Variants in ARSB observed in about 807,000 individuals in gnomAD.
ARSB encodes arylsulfatase B.
Under a neutral mutation model 50.9 loss-of-function variants are expected in ARSB, and 41 were observed. That is an observed-to-expected ratio of 0.81 (90% CI 0.63 to 1.04). ARSB has a LOEUF of 1.04. Ranked by LOEUF, ARSB falls within the 50% of genes least tolerant of loss-of-function variation. The pLI is 0.00. For missense variants in ARSB, 672 were observed against 693.3 expected (o/e 0.97, Z 0.35); for synonymous variants, 269 against 284.8 (o/e 0.94, Z 0.56).
chr5:78,947,711 G>A (rs972221838), intron 4 of ARSB, among the ~76,000 whole-genome samples: 1 of 152,152 alleles, frequency 6.6e-6, no homozygotes, highest in Non-Finnish European at 1.5e-5. Flanking sequence ...AGCCACTATG[G>A]AGAACAGTTT....
At chr5:78,945,276 C>T (rs1307040897) in intron 4 of ARSB, among the ~76,000 whole-genome samples, 1 of 152,190 alleles carries the variant, frequency 6.6e-6, no homozygotes, top group Non-Finnish European at 1.5e-5. Flanking sequence ...GTGCACCACA[C>T]CCATTGTCCT....
intron 5 of ARSB, among the ~76,000 whole-genome samples, chr5:78,869,922 C>T (rs1747036226): frequency 6.6e-6 from 1 of 151,400 alleles, no homozygotes; most frequent in African/African-American, 2.4e-5. Context: ...GCTAGCAAGA[C>T]TAACAAAGAA....
intron 6 of ARSB, among the ~76,000 whole-genome samples, chr5:78,795,236 G>T (rs183125001): frequency 3.1e-4 from 47 of 152,354 alleles, no homozygotes; most frequent in African/African-American, 1.1e-3. Context: ...CTGCCCAGCA[G>T]AGGTGGCCAA....
intron 5 of ARSB, among the ~76,000 whole-genome samples, chr5:78,846,098 G>T (rs1004121550): frequency 2.6e-5 from 4 of 152,050 alleles, no homozygotes; most frequent in African/African-American, 7.2e-5. Flanking sequence ...TTTTATGCAT[G>T]TGGATATCCA....
intron 4 of ARSB, among the ~76,000 whole-genome samples, chr5:78,892,248 CTTT>C (rs34960858): frequency 2.1e-4 from 18 of 87,234 alleles, no homozygotes; most frequent in African/African-American, 7.9e-4. Flanking sequence ...ATTCTCTATT[CTTT>C]TTTTTTTTTT....
intron 6 of ARSB, among the ~76,000 whole-genome samples, chr5:78,828,123 T>G (rs1319085159): frequency 1.3e-5 from 2 of 152,094 alleles, no homozygotes; most frequent in Non-Finnish European, 2.9e-5. Flanking sequence ...AACGGTGAAA[T>G]GTTGAAAGCT....
intron 3 of ARSB, among the ~76,000 whole-genome samples, chr5:78,959,522 C>A (rs565871227): frequency 1.3e-5 from 2 of 152,136 alleles, no homozygotes; most frequent in Admixed American, 6.5e-5. Flanking sequence ...AAACTCTGTA[C>A]TTGAATAAAC....
chr5:78,843,064 C>T (rs897661340), intron 5 of ARSB, among the ~76,000 whole-genome samples: 1 of 152,176 alleles, frequency 6.6e-6, no homozygotes, highest in African/African-American at 2.4e-5. Context: ...AGATCACTGG[C>T]GGTGGAACCC....
chr5:78,912,849 A>C (rs548548008), intron 4 of ARSB, among the ~76,000 whole-genome samples: 1 of 152,348 alleles, frequency 6.6e-6, no homozygotes, highest in South Asian at 2.1e-4. Flanking sequence ...AAAACCAAAT[A>C]GAAAATCAGA....
In ARSB at chr5:78,877,325, G is replaced by A. The variant is rs192973794; in HGVS notation, c.1142+8259C>T. Among the ~76,000 whole-genome samples the A allele has an allele frequency of 1.3e-4, 20 of 152,234 alleles. No homozygotes were observed. The East Asian group carries it at 1.5e-3, about 12-fold the overall frequency. ...AAATCCTAAAAGCAATGCTCAAAACGATCAAACTGTTTCCAAATAACTTAA... is the reference window on the plus strand; with the variant it reads ...AAATCCTAAAAGCAATGCTCAAAACAATCAAACTGTTTCCAAATAACTTAA... On this transcript the variant is annotated intron_variant, in intron 5 of 7. Coordinates refer to ENST00000264914, the MANE Select transcript of ARSB (RefSeq NM_000046.5).
chr5:78,974,026 A>ATCCT (rs1260279195), intron 1 of ARSB, among the ~76,000 whole-genome samples: 1 of 152,204 alleles, frequency 6.6e-6, no homozygotes, highest in Non-Finnish European at 1.5e-5. Context: ...GCAAAGCAGG[A>ATCCT]GTTCAGAATT....
At chr5:78,821,545 C>T (rs1028704256) in intron 6 of ARSB, among the ~76,000 whole-genome samples, 6 of 152,196 alleles carry the variant, frequency 3.9e-5, no homozygotes, top group Non-Finnish European at 7.3e-5. Context: ...GGAGAAAGCA[C>T]ATGCAAACTA....
intron 7 of ARSB, among the ~76,000 whole-genome samples, 185 bp downstream of exon 7, chr5:78,781,667 A>G (rs1044381118): frequency 1.3e-5 from 2 of 152,312 alleles, no homozygotes; most frequent in Non-Finnish European, 1.5e-5. Context: ...AGGGGCCTTG[A>G]GGAGGAGCCA....
At chr5:78,923,284 A>G (rs1380856931) in intron 4 of ARSB, among the ~76,000 whole-genome samples, 1 of 152,340 alleles carries the variant, frequency 6.6e-6, no homozygotes, top group Non-Finnish European at 1.5e-5. Flanking sequence ...CTGGTTCCCA[A>G]TGAGTAAGTG....
At chr5:78,849,751 T>C (rs1745658122) in intron 5 of ARSB, among the ~76,000 whole-genome samples, 1 of 145,900 alleles carries the variant, frequency 6.9e-6, no homozygotes, top group South Asian at 2.3e-4. Context: ...CAGTGGTTTG[T>C]AGTTCTCCTT....
In ARSB at chr5:78,885,802, C is replaced by G; in HGVS notation, c.924G>C (p.Gly308=). The change falls in exon 5 of 8, where the codon GGG becomes GGC. Residue 308 remains glycine, a synonymous_variant. Coordinates refer to ENST00000264914, the MANE Select transcript of ARSB (RefSeq NM_000046.5). The part of the protein sequence containing the change: ...STDNGGQTLA[G]GNNWPLRGRK... ...TTCCTCGAAGGGGCCAGTTATTACC[C>G]CCTGCCAAAGTCTGCCCTCCGTTAT... The G allele has an allele frequency of 6.2e-7, 1 of 1,614,182 alleles. No homozygotes were observed. Among genetic ancestry groups the G allele is most frequent in the Non-Finnish European group, 8.5e-7 (1 of 1,180,040 alleles).
intron 4 of ARSB, among the ~76,000 whole-genome samples, chr5:78,936,425 G>A (rs1306310028): frequency 6.6e-6 from 1 of 150,924 alleles, no homozygotes; most frequent in Non-Finnish European, 1.5e-5. Context: ...TGCCTGGCCA[G>A]GGTCTTTATT....
intron 4 of ARSB, among the ~76,000 whole-genome samples, chr5:78,947,900 T>C (rs1280946890): frequency 1.3e-5 from 2 of 152,140 alleles, no homozygotes; most frequent in Non-Finnish European, 2.9e-5. Context: ...CATCAACAGA[T>C]GCATGGATAA....
In ARSB at chr5:78,841,168, C is replaced by CTACTACTAATAATAATAATAA. The variant is rs368030435; in HGVS notation, c.1143-1743_1143-1742insTTATTATTATTATTAGTAGTA. On this transcript the variant is annotated intron_variant, in intron 5 of 7. Transcript: ENST00000264914. Reference sequence around the variant, plus strand: ...ACTACTACTACTACTACTACTACTACTAATAATAATAATAATTTGAGCATG... The same window carrying CTACTACTAATAATAATAATAA: ...ACTACTACTACTACTACTACTACTACTACTACTAATAATAATAATAATAATAATAATAATAATTTGAGCATG... 5.3e-3 allele frequency among the ~76,000 whole-genome samples: 702 copies of CTACTACTAATAATAATAATAA among 131,990 alleles called. 5 individuals carry two copies. The highest frequency in any genetic ancestry group is 0.027 in the Middle Eastern group (7 of 262). The allele number at this position is 131,990 out of a possible 152,430, so 86.6% of individuals were successfully genotyped here.
Sources: gnomAD v4.1 joint callset for allele counts (sites outside exome capture counted in the v4.1 genomes callset) on GRCh38, gnomAD v4.1.1 for gene constraint, MANE v1.5 for transcripts, NCBI Gene and HGNC (gene_info 2026-07-23, HGNC 2026-07-21) for gene names.